Variants in HPGDS observed in about 807,000 individuals in gnomAD.
HPGDS encodes hematopoietic prostaglandin D synthase, also known as GST class-sigma.
Under a neutral mutation model 23.1 loss-of-function variants are expected in HPGDS, and 26 were observed. That is an observed-to-expected ratio of 1.13 (90% CI 0.83 to 1.56). The LOEUF (loss-of-function observed/expected upper bound fraction) is 1.56, where lower values mean the gene tolerates loss of function less well. HPGDS is among the 40% of genes most tolerant of loss of function. The pLI is 0.00. For missense variants in HPGDS, 268 were observed against 236.4 expected (o/e 1.13, Z -0.88); for synonymous variants, 95 against 77.9 (o/e 1.22, Z -1.16).
At chr4:94,340,291 TTCTTTCTTTCTTTCTTTCTC>T (rs1721115063) in intron 1 of HPGDS, among the ~76,000 whole-genome samples, 1 of 78,318 alleles carries the variant, frequency 1.3e-5, no homozygotes, top group African/African-American at 3.9e-5. Context: ...CTTTCTTTCT[TTCTTTCTTTCTTTCTTTCTC>T]TTTTTTTTTT....
rs1466341846 is a variant in HPGDS at position 94,334,555 on chromosome 4, C to T, written c.75G>A (p.Leu25=). Residue 25 remains leucine, a synonymous_variant, in exon 2 of 6, where the codon TTG becomes TTA. Transcript: ENST00000295256. ...AEIIRYIFAY[L]DIQYEDHRIE... ...TTCTGTGGTCTTCATACTGTATGTC[C>T]AAATAAGCAAATATGTAACGAATAA... The T allele has an allele frequency of 6.2e-7, 1 of 1,612,866 alleles. No homozygotes were observed. The highest frequency in any genetic ancestry group is 8.5e-7 in the Non-Finnish European group (1 of 1,179,360).
intron 4 of HPGDS, among the ~76,000 whole-genome samples, chr4:94,302,988 A>ATTC (rs1268913864): frequency 6.6e-6 from 1 of 152,132 alleles, no homozygotes; most frequent in African/African-American, 2.4e-5. Flanking sequence ...ATATATAAGA[A>ATTC]TTCTGCCTGT....
chr4:94,302,297 G>A (rs1030990435), intron 4 of HPGDS, 53 bp from the exon 5 acceptor site: 33 of 1,208,102 alleles, frequency 2.7e-5, no homozygotes, highest in Non-Finnish European at 3.8e-5. Flanking sequence ...AAAGTAACAT[G>A]ATCTGAGGAG....
At chr4:94,340,285 C>T (rs556913348) in intron 1 of HPGDS, among the ~76,000 whole-genome samples, 3 of 45,218 alleles carry the variant, frequency 6.6e-5, no homozygotes, top group African/African-American at 1.3e-4. Flanking sequence ...TTCTTTCTTT[C>T]TTTCTTTCTT....
chr4:94,334,267 G>A, intron 2 of HPGDS: 1 of 368,226 alleles, frequency 2.7e-6, no homozygotes, highest in Non-Finnish European at 4.8e-6. Context: ...CATATTGTCT[G>A]CTAAAGCTTT....
intron 2 of HPGDS, among the ~76,000 whole-genome samples, chr4:94,327,101 G>A (rs1414825412): frequency 1.3e-5 from 2 of 151,964 alleles, no homozygotes; most frequent in African/African-American, 4.8e-5. Flanking sequence ...TGGCTACAGT[G>A]GCCTGGGTGT....
intron 3 of HPGDS, among the ~76,000 whole-genome samples, chr4:94,310,858 T>A (rs1199382702): frequency 1.3e-5 from 2 of 152,312 alleles, no homozygotes; most frequent in African/African-American, 4.8e-5. Flanking sequence ...TCACATCCCT[T>A]GTAAGTTGGA....
intron 1 of HPGDS, among the ~76,000 whole-genome samples, chr4:94,339,418 T>C (rs1312669322): frequency 1.3e-5 from 2 of 152,168 alleles, no homozygotes; most frequent in African/African-American, 4.8e-5. Flanking sequence ...CCAAAGTATA[T>C]CGTGTAAAGT....
chr4:94,306,832 T>A (rs534999532), intron 4 of HPGDS, among the ~76,000 whole-genome samples: 2 of 152,078 alleles, frequency 1.3e-5, no homozygotes, highest in South Asian at 4.1e-4. Context: ...TTACTGGAAT[T>A]CTACTATAAT....
intron 2 of HPGDS, among the ~76,000 whole-genome samples, chr4:94,328,156 C>A (rs969074800): frequency 1.3e-5 from 2 of 152,240 alleles, no homozygotes; most frequent in African/African-American, 4.8e-5. Context: ...AATGGGGAGT[C>A]CCTCCCGGCT....
chr4:94,318,040 T>C (rs1035205551), intron 2 of HPGDS, 75 bp from the exon 3 acceptor site: 7 of 798,794 alleles, frequency 8.8e-6, no homozygotes, highest in African/African-American at 7.0e-5. Context: ...TTACTGATCA[T>C]CGTGAAAACA....
chr4:94,340,305 C>CTTTCTTTT (rs1721120428), intron 1 of HPGDS, among the ~76,000 whole-genome samples: 1 of 26,200 alleles, frequency 3.8e-5, no homozygotes, highest in African/African-American at 1.5e-4. Context: ...TTCTTTCTTT[C>CTTTCTTTT]TTTCTCTTTT....
intron 3 of HPGDS, among the ~76,000 whole-genome samples, chr4:94,314,033 A>C (rs1449134781): frequency 6.6e-6 from 1 of 152,080 alleles, no homozygotes; most frequent in Non-Finnish European, 1.5e-5. Flanking sequence ...CTAGTTAGCC[A>C]TTCATCTAAT....
intron 4 of HPGDS, among the ~76,000 whole-genome samples, chr4:94,307,017 C>A (rs1052566252): frequency 6.6e-6 from 1 of 151,888 alleles, no homozygotes; most frequent in African/African-American, 2.4e-5. Flanking sequence ...TCTAAGGGCA[C>A]GTGTTTTGTA....
intron 2 of HPGDS, among the ~76,000 whole-genome samples, chr4:94,323,962 C>CA (rs954495520): frequency 6.6e-6 from 1 of 152,160 alleles, no homozygotes; most frequent in Non-Finnish European, 1.5e-5. Flanking sequence ...CTGGTATTGA[C>CA]AAAATCTCTC....
Position 94,308,686 on chromosome 4 carries a change from A to G in HPGDS, c.284T>C (p.Leu95Pro), listed in dbSNP as rs146368021. 1.9e-6 allele frequency: 3 copies of G among 1,610,386 alleles called. No individual in the cohort carries two copies. Among genetic ancestry groups the G allele is most frequent in the Non-Finnish European group, 2.5e-6 (3 of 1,177,558 alleles). The change falls in exon 4 of 6, where the codon CTG (leucine) becomes CCG (proline). Residue 95 changes from leucine to proline, a missense_variant. Transcript: ENST00000295256. ...QCHVDAIVDT[L>P]DDFMSCFPWA... ...AGGAAAACATGACATGAAATCATCC[A>G]GAGTGTCCACAATAGCATCAACATG... is the stretch of plus-strand genomic sequence containing the variant.
intron 2 of HPGDS, among the ~76,000 whole-genome samples, chr4:94,318,196 C>G (rs960059594): frequency 6.6e-6 from 1 of 152,078 alleles, no homozygotes; most frequent in African/African-American, 2.4e-5. Flanking sequence ...TGTTCTTAAG[C>G]TCAGGTTTAT....
rs1339859280 is a variant in HPGDS at position 94,334,636 on chromosome 4, ATTCTGG to A, written c.-9-4_-8del. ...TGAGTTTGTAGTTTGGCATGGTGCAATTCTGGAAAAAGAAAAAGGGAGGGATTATTT... is the reference window on the plus strand; with the variant it reads ...TGAGTTTGTAGTTTGGCATGGTGCAAAAAAAGAAAAAGGGAGGGATTATTT... On this transcript the variant is annotated splice_acceptor_variant and splice_polypyrimidine_tract_variant and 5_prime_UTR_variant and intron_variant, in exon 2 of 6. Coordinates refer to ENST00000295256, the MANE Select transcript of HPGDS (RefSeq NM_014485.3). LOFTEE classifies it low-confidence loss of function (5UTR_SPLICE). 6.2e-7 allele frequency: 1 copy of A among 1,608,482 alleles called. No homozygotes were observed. The highest frequency in any genetic ancestry group is 1.7e-5 in the Admixed American group (1 of 58,438).
intron 2 of HPGDS, among the ~76,000 whole-genome samples, chr4:94,320,249 T>C (rs1221503244): frequency 2.0e-5 from 3 of 152,232 alleles, no homozygotes; most frequent in African/African-American, 7.2e-5. Flanking sequence ...TATGGGAGCA[T>C]GATTTATAAT....
Sources: allele counts gnomAD v4.1 joint callset (sites outside exome capture counted in the v4.1 genomes callset), GRCh38; gene constraint gnomAD v4.1.1; transcripts MANE v1.5; gene names NCBI Gene and HGNC (gene_info 2026-07-23, HGNC 2026-07-21).